The following KMT5B variants were observed in gnomAD, a reference collection of about 807,000 sequenced individuals.
The protein encoded by KMT5B is lysine methyltransferase 5B, also known as histone-lysine N-methyltransferase KMT5B.
A neutral mutation model predicts 83.2 loss-of-function variants in KMT5B; 10 were observed. The ratio of observed to expected loss-of-function variants is 0.12; its 90% CI spans 0.07 to 0.20. The LOEUF (loss-of-function observed/expected upper bound fraction) is 0.20, where lower values mean the gene tolerates loss of function less well. Ranked by LOEUF, KMT5B falls within the 10% of genes least tolerant of loss-of-function variation. KMT5B has a pLI of 1.00. For synonymous variants in KMT5B, 349 were observed against 388.8 expected (o/e 0.90, Z 1.20); for missense variants, 753 against 1,067.2 (o/e 0.71, Z 4.10).
intron 9 of KMT5B, among the ~76,000 whole-genome samples, chr11:68,167,414 T>G (rs1855413540): frequency 6.6e-6 from 1 of 151,788 alleles, no homozygotes; most frequent in African/African-American, 2.4e-5. Context: ...TATCAATCAT[T>G]AATTGCCTAT....
intron 1 of KMT5B, among the ~76,000 whole-genome samples, chr11:68,190,918 T>C (rs1169062966): frequency 1.3e-5 from 2 of 152,142 alleles, no homozygotes; most frequent in Admixed American, 6.5e-5. Flanking sequence ...GAAGCTATGA[T>C]TGCAACACTG....
chr11:68,175,479 G>C lies in KMT5B; in HGVS notation c.378-296C>G, dbSNP rs957131036. On this transcript the variant is annotated intron_variant, in intron 4 of 10. Coordinates refer to ENST00000304363, the MANE Select transcript of KMT5B (RefSeq NM_017635.5). ...TTATTTTAATTATTTTTATTTCACT[G>C]TTATCTCATTAACTGTGAGGTGAGC... Among the ~76,000 whole-genome samples the C allele has an allele frequency of 1.2e-4, 18 of 151,802 alleles. 1 individual carries two copies. Among genetic ancestry groups the C allele is most frequent in the Non-Finnish European group, 4.4e-5 (3 of 67,952 alleles).
chr11:68,175,097 T>C lies in KMT5B; in HGVS notation c.464A>G (p.Lys155Arg). 1.2e-6 allele frequency: 2 copies of C among 1,614,084 alleles called. No homozygotes were observed. Among genetic ancestry groups the C allele is most frequent in the Non-Finnish European group, 8.5e-7 (1 of 1,179,944 alleles). Residue 155 changes from lysine (K) to arginine (R), a missense_variant, in exon 5 of 11, where the codon AAA (lysine) becomes AGA (arginine). This residue lies in a region of KMT5B where 71 missense variants were observed against 107.0 expected (regional missense o/e 0.66). Transcript: ENST00000304363. ...KKDEHLEKAF[K>R]CLTSGEWARH... ...TGCCCATTCGCCTGAAGTCAAACATTTGAAGGCTTTCTCCAAGTGTTCATC... is the reference window on the plus strand; with the variant it reads ...TGCCCATTCGCCTGAAGTCAAACATCTGAAGGCTTTCTCCAAGTGTTCATC...
At chr11:68,210,695 A>G (rs925431627) in intron 1 of KMT5B, among the ~76,000 whole-genome samples, 35 of 152,138 alleles carry the variant, frequency 2.3e-4, no homozygotes, top group African/African-American at 8.0e-4. Flanking sequence ...AATCAACCCC[A>G]TCCAGACACA....
rs557790755 is a variant in KMT5B, at chr11:68,171,758, T to C, written c.654-49A>G. On this transcript the variant is annotated intron_variant, in intron 6 of 10. Coordinates refer to ENST00000304363, the MANE Select transcript of KMT5B (RefSeq NM_017635.5). The surrounding 1 kb of genome is among the most constrained non-coding windows in gnomAD (Gnocchi z 5.1). Reference sequence around the variant, plus strand: ...AAAAATTACTAGTAATTAAATATAGTAAGGCTTCTTTTAATAAAATAATCC... The same window carrying C: ...AAAAATTACTAGTAATTAAATATAGCAAGGCTTCTTTTAATAAAATAATCC... The C allele has an allele frequency of 4.1e-5, 57 of 1,377,832 alleles. No individual in the cohort carries two copies. The highest frequency in any genetic ancestry group is 3.8e-5 in the Admixed American group (2 of 51,994). 85.4% of individuals were successfully genotyped at this position (1,377,832 alleles called of 1,614,324 possible).
intron 10 of KMT5B, among the ~76,000 whole-genome samples, chr11:68,161,127 T>C (rs1854823783): frequency 1.3e-5 from 2 of 152,210 alleles, no homozygotes. Flanking sequence ...TAGTGAACTT[T>C]GAATGTGATT....
chr11:68,166,080 G>A (rs1052765091), intron 10 of KMT5B: 1 of 1,518,678 alleles, frequency 6.6e-7, no homozygotes, highest in African/African-American at 1.4e-5. Flanking sequence ...TGCCAACAAA[G>A]GCATACTTTC....
Position 68,167,029 on chromosome 11 carries a change from A to C in KMT5B, c.1127T>G (p.Val376Gly), listed in dbSNP as rs1855379319. The C allele has an allele frequency of 6.2e-7, 1 of 1,614,164 alleles. No individual in the cohort carries two copies. The highest frequency in any genetic ancestry group is 8.5e-7 in the Non-Finnish European group (1 of 1,180,014). Reference sequence around the variant, plus strand: ...GGTATCTGCATCAGTGTTAGAGCTGACAGATTGACTGTCTGAATTTTTGCT... The same window carrying C: ...GGTATCTGCATCAGTGTTAGAGCTGCCAGATTGACTGTCTGAATTTTTGCT... ...DSSKNSDSQS[V>G]SSNTDADTTQ... Residue 376 changes from valine to glycine, a missense_variant, in exon 10 of 11, where the codon GTC becomes GGC. By Grantham distance (109) the Val-to-Gly change is moderately radical. This residue lies in a region of KMT5B where 397 missense variants were observed against 395.9 expected (regional missense o/e 1.00). Coordinates refer to ENST00000304363, the MANE Select transcript of KMT5B (RefSeq NM_017635.5).
intron 9 of KMT5B, among the ~76,000 whole-genome samples, chr11:68,167,397 TGAC>T (rs1855412008): frequency 6.6e-6 from 1 of 151,868 alleles, no homozygotes; most frequent in Non-Finnish European, 1.5e-5. Flanking sequence ...CAACTTGTTA[TGAC>T]TATTATCAAT....
intron 10 of KMT5B, among the ~76,000 whole-genome samples, chr11:68,160,718 A>C (rs1854782736): frequency 6.6e-6 from 1 of 152,136 alleles, no homozygotes; most frequent in African/African-American, 2.4e-5. Context: ...CAAGAATAGA[A>C]GGCTCTGCAC....
chr11:68,200,320 G>C (rs560670596), intron 1 of KMT5B, among the ~76,000 whole-genome samples: 1 of 152,120 alleles, frequency 6.6e-6, no homozygotes, highest in Non-Finnish European at 1.5e-5. Context: ...GGCATGACAG[G>C]GACCACTCTG....
intron 9 of KMT5B, among the ~76,000 whole-genome samples, chr11:68,167,763 A>G (rs1855453599): frequency 6.6e-6 from 1 of 152,178 alleles, no homozygotes; most frequent in South Asian, 2.1e-4. Flanking sequence ...CAGCCCTTTA[A>G]TAAACATTGC....
At chr11:68,172,928 T>G (rs754619399) in intron 6 of KMT5B, among the ~76,000 whole-genome samples, 7 of 152,182 alleles carry the variant, frequency 4.6e-5, no homozygotes, top group Non-Finnish European at 7.3e-5. Context: ...GGTGGGTACA[T>G]GAGGAGCTAC....
chr11:68,158,987 T>C lies in KMT5B; in HGVS notation c.1359A>G (p.Lys453=). 1.2e-6 allele frequency: 2 copies of C among 1,611,690 alleles called. No homozygotes were observed. The highest frequency in any genetic ancestry group is 1.1e-5 in the South Asian group (1 of 90,284). Residue 453 remains lysine (K), a synonymous_variant, in exon 11 of 11, where the codon AAA becomes AAG. Transcript: ENST00000304363. ...KPAKPLLSKI[K]LRNHCKRLEQ... Reference sequence around the variant, plus strand: ...CCAGCCGCTTGCAATGATTTCTCAATTTTATCTTTGAAAGTAAAGGCTTTG... The same window carrying C: ...CCAGCCGCTTGCAATGATTTCTCAACTTTATCTTTGAAAGTAAAGGCTTTG...
In KMT5B at chr11:68,156,962, G is replaced by A. The variant is rs144659460; in HGVS notation, c.*726C>T. The A allele has an allele frequency of 1.3e-5, 2 of 152,462 alleles. No homozygotes were observed. Among genetic ancestry groups the A allele is most frequent in the Non-Finnish European group, 2.9e-5 (2 of 68,000 alleles). 9.4% of individuals were successfully genotyped at this position (152,462 alleles called of 1,614,324 possible). ...TGCAAAGAACAATTTTATCTAAAAGGATTGAAAAGAGTTAAATACAAGGTT... is the reference window on the plus strand; with the variant it reads ...TGCAAAGAACAATTTTATCTAAAAGAATTGAAAAGAGTTAAATACAAGGTT... On this transcript the variant is annotated 3_prime_UTR_variant, in exon 11 of 11. Transcript: ENST00000304363.
At chr11:68,210,524 A>G (rs530658345) in intron 1 of KMT5B, among the ~76,000 whole-genome samples, 21 of 152,302 alleles carry the variant, frequency 1.4e-4, no homozygotes, top group African/African-American at 5.1e-4. Flanking sequence ...ACTTATACAA[A>G]CAGTGATAGA....
intron 1 of KMT5B, among the ~76,000 whole-genome samples, chr11:68,193,720 A>C (rs1858364698): frequency 6.6e-6 from 1 of 152,164 alleles, no homozygotes; most frequent in Non-Finnish European, 1.5e-5. Flanking sequence ...AAATTTTACC[A>C]AATTTAACAT....
chr11:68,185,252 C>T (rs1304379992), intron 3 of KMT5B, among the ~76,000 whole-genome samples: 2 of 152,116 alleles, frequency 1.3e-5, no homozygotes, highest in Non-Finnish European at 2.9e-5. Context: ...GTTGCCCAGA[C>T]TGGAGTGCAA....
At chr11:68,180,441 G>T (rs1856813733) in intron 3 of KMT5B, among the ~76,000 whole-genome samples, 1 of 152,130 alleles carries the variant, frequency 6.6e-6, no homozygotes, top group African/African-American at 2.4e-5. Context: ...ATTCTTTACG[G>T]ATTCTAGTCA....
Sources: gnomAD v4.1 joint callset for allele counts (sites outside exome capture counted in the v4.1 genomes callset) on GRCh38, gnomAD v4.1.1 for gene constraint, gnomAD v4.1.1 regional missense constraint, Gnocchi (gnomAD v3.1) non-coding constraint, MANE v1.5 for transcripts, NCBI Gene and HGNC (gene_info 2026-07-23, HGNC 2026-07-21) for gene names.